LARP4: variants seen among roughly 807,000 people sequenced by gnomAD.
The protein encoded by LARP4 is la-related protein 4.
LARP4 carries 29 observed loss-of-function variants against 92.9 expected under a neutral mutation model. That is an observed-to-expected ratio of 0.31 (90% CI 0.23 to 0.43). LARP4 has a LOEUF of 0.43. Among genes scored for constraint, LARP4 ranks in the 20% least tolerant of loss-of-function variants. The pLI, the probability that LARP4 is intolerant of heterozygous loss-of-function variation, is 1.00. For missense variants in LARP4, 732 were observed against 860.0 expected, an observed-to-expected ratio of 0.85 and a Z score of 1.86; for synonymous variants, 279 against 284.1, an observed-to-expected ratio of 0.98 and a Z score of 0.18.
intron 8 of LARP4, among the ~76,000 whole-genome samples, chr12:50,445,686 C>T (rs1951900245): frequency 6.6e-6 from 1 of 152,102 alleles, no homozygotes. Flanking sequence ...TTCAAGTTCA[C>T]TGAACTTTTC....
At chr12:50,418,286 G>A (rs913372038) in intron 1 of LARP4, among the ~76,000 whole-genome samples, 2 of 152,220 alleles carry the variant, frequency 1.3e-5, no homozygotes, top group Non-Finnish European at 2.9e-5. Context: ...ACAGGCGTGA[G>A]CCACTGTGCC....
At position 50,433,269 on chromosome 12, in the gene LARP4, A is replaced by ATTTTTT. The variant is rs60797979; in HGVS notation, c.399-2204_399-2199dup. ...GCTTTCCCAGATCTCCAAAAACGTG[A>ATTTTTT]TTTTTTTTTTTTTTTTTTTTGTAGT... On this transcript the variant is annotated intron_variant, in intron 4 of 15. Transcript: ENST00000398473. Among the ~76,000 whole-genome samples the ATTTTTT allele has an allele frequency of 1.5e-4, 18 of 117,252 alleles. 1 individual carries two copies. The highest frequency in any genetic ancestry group is 7.1e-4 in the East Asian group (3 of 4,230). The allele number at this position is 117,252 out of a possible 152,430, so 76.9% of individuals were successfully genotyped here. A position where few individuals can be genotyped will look rare whatever the true frequency, so the allele number is the denominator to read the frequency against.
chr12:50,437,785 C>A lies in LARP4; in HGVS notation c.586C>A (p.His196Asn). 6.2e-7 allele frequency: 1 copy of A among 1,611,910 alleles called. No individual in the cohort carries two copies. Among genetic ancestry groups the A allele is most frequent in the South Asian group, 1.1e-5 (1 of 90,886 alleles). The change falls in exon 6 of 16, where the codon CAT becomes AAT. Residue 196 changes from histidine to asparagine, a missense_variant. By Grantham distance (68) the His-to-Asn change is moderately conservative. Coordinates refer to ENST00000398473, the MANE Select transcript of LARP4 (RefSeq NM_052879.5). Reference protein sequence around the residue: ...DEKGEKVRPSHKRCIVILREI... With the variant: ...DEKGEKVRPSNKRCIVILREI... ...GAAGGGTGAGAAAGTGAGACCAAGTCATAAGCGTTGTATTGTAATTCTTAG... is the reference window on the plus strand; with the variant it reads ...GAAGGGTGAGAAAGTGAGACCAAGTAATAAGCGTTGTATTGTAATTCTTAG...
At chr12:50,405,136 T>C (rs1944569149) in intron 1 of LARP4, among the ~76,000 whole-genome samples, 1 of 151,750 alleles carries the variant, frequency 6.6e-6, no homozygotes, top group East Asian at 1.9e-4. Context: ...TGACCTCAAG[T>C]GATCCGCCCG....
At chr12:50,475,476 AATTT>A in intron 15 of LARP4, 46 bp from the exon 16 acceptor site, 1 of 1,408,356 alleles carries the variant, frequency 7.1e-7, no homozygotes, top group East Asian at 2.3e-5. Context: ...TATACTTTAT[AATTT>A]AAAGAATGTG....
At chr12:50,452,918 T>G (rs1401392849) in intron 8 of LARP4, among the ~76,000 whole-genome samples, 1 of 151,954 alleles carries the variant, frequency 6.6e-6, no homozygotes, top group Non-Finnish European at 1.5e-5. Context: ...CTGCTTGTTG[T>G]TGTTGTTTAG....
Position 50,441,384 on chromosome 12 carries a change from A to G in LARP4, c.751-206A>G, listed in dbSNP as rs1207481595. The G allele has an allele frequency of 2.0e-5, 8 of 409,742 alleles. No individual in the cohort carries two copies. In the Admixed American group the frequency reaches 2.3e-4, roughly 12 times the overall value. The allele number at this position is 409,742 out of a possible 1,614,324, so 25.4% of individuals were successfully genotyped here. A position where few individuals can be genotyped will look rare whatever the true frequency, so the allele number is the denominator to read the frequency against. ...ATCCTAATGCATTTTGTCTGCAGTA[A>G]TCCATGGTGGCTTTTCTACAATAAA... On this transcript the variant is annotated intron_variant, in intron 7 of 15. Transcript: ENST00000398473.
At chr12:50,425,583 C>T (rs1948585357) in intron 1 of LARP4, among the ~76,000 whole-genome samples, 1 of 152,170 alleles carries the variant, frequency 6.6e-6, no homozygotes, top group South Asian at 2.1e-4. Flanking sequence ...ACCCAAAGAG[C>T]TTGAGTTTAT....
chr12:50,467,561 C>G (rs1437208342), intron 13 of LARP4, among the ~76,000 whole-genome samples: 1 of 152,136 alleles, frequency 6.6e-6, no homozygotes, highest in Non-Finnish European at 1.5e-5. Flanking sequence ...CCTTGGCCTC[C>G]CAAAGTGCTG....
intron 4 of LARP4, among the ~76,000 whole-genome samples, chr12:50,433,090 C>A (rs1949916725): frequency 6.6e-6 from 1 of 151,868 alleles, no homozygotes; most frequent in Non-Finnish European, 1.5e-5. Flanking sequence ...AGTTCTTTGC[C>A]CATTACACTT....
chr12:50,431,511 G>A (rs1293299203), intron 4 of LARP4, among the ~76,000 whole-genome samples: 1 of 152,110 alleles, frequency 6.6e-6, no homozygotes, highest in Non-Finnish European at 1.5e-5. Context: ...TCTTAAATAA[G>A]GAATCCTTTC....
intron 1 of LARP4, among the ~76,000 whole-genome samples, chr12:50,407,680 A>G (rs1457215613): frequency 1.3e-5 from 2 of 152,246 alleles, no homozygotes; most frequent in Admixed American, 6.5e-5. Context: ...CCCCATGTCT[A>G]CTAAAAATAA....
intron 12 of LARP4, among the ~76,000 whole-genome samples, chr12:50,464,659 C>T (rs888329790): frequency 6.6e-6 from 1 of 151,766 alleles, no homozygotes; most frequent in Non-Finnish European, 1.5e-5. Flanking sequence ...TCCCAGAGTG[C>T]TGGGATTACA....
rs1406435935 is a variant in LARP4, at chr12:50,454,416, C to G, written c.1120C>G (p.Arg374Gly). 6.2e-7 allele frequency: 1 copy of G among 1,605,604 alleles called. No individual in the cohort carries two copies. Among genetic ancestry groups the G allele is most frequent in the East Asian group, 2.2e-5 (1 of 44,738 alleles). The change falls in exon 10 of 16, where the codon CGT (arginine) becomes GGT (glycine). Residue 374 changes from arginine (R) to glycine (G), a missense_variant and splice_region_variant. This residue lies in a region of LARP4 where 264 missense variants were observed against 269.5 expected (regional missense o/e 0.98). Coordinates refer to ENST00000398473, the MANE Select transcript of LARP4 (RefSeq NM_052879.5). ...MNMGRPFQKN[R>G]VKPQFRSSGG... ...TATGGGTCGACCATTCCAAAAAAAT[C>G]GGTAAGATAAAAACCATAGCTGTAA...
intron 10 of LARP4, among the ~76,000 whole-genome samples, chr12:50,460,343 C>T (rs934039196): frequency 6.6e-6 from 1 of 152,074 alleles, no homozygotes; most frequent in African/African-American, 2.4e-5. Flanking sequence ...ATATTATTGT[C>T]TTAGAGATAG....
intron 1 of LARP4, among the ~76,000 whole-genome samples, chr12:50,419,646 CCTATA>C (rs552131938): frequency 6.6e-6 from 1 of 152,248 alleles, no homozygotes; most frequent in South Asian, 2.1e-4. Flanking sequence ...GTGAGTCATG[CCTATA>C]ATCCCAGCAC....
At chr12:50,435,081 T>C (rs1950220909) in intron 4 of LARP4, among the ~76,000 whole-genome samples, 1 of 152,150 alleles carries the variant, frequency 6.6e-6, no homozygotes, top group Non-Finnish European at 1.5e-5. Flanking sequence ...AAAATCCTTC[T>C]TGAGTCAGTT....
chr12:50,461,594 A>G (rs1283562832), intron 11 of LARP4: 2 of 397,766 alleles, frequency 5.0e-6, no homozygotes, highest in Non-Finnish European at 9.0e-6. Flanking sequence ...TATAGCTCAT[A>G]TAAGAAAGAA....
At chr12:50,464,304 G>A (rs1248527682) in intron 12 of LARP4, among the ~76,000 whole-genome samples, 1 of 152,200 alleles carries the variant, frequency 6.6e-6, no homozygotes, top group Non-Finnish European at 1.5e-5. Flanking sequence ...GAAGGCAAAT[G>A]GGGACCACAC....
Sources: allele counts gnomAD v4.1 joint callset (sites outside exome capture counted in the v4.1 genomes callset), GRCh38; gene constraint gnomAD v4.1.1; regional missense constraint gnomAD v4.1.1; transcripts MANE v1.5; gene names NCBI Gene and HGNC (gene_info 2026-07-23, HGNC 2026-07-21).